Variants in SYNE1 observed in about 807,000 individuals in gnomAD.
SYNE1 encodes spectrin repeat containing nuclear envelope protein 1.
A neutral mutation model predicts 1,111.0 loss-of-function variants in SYNE1; 616 were observed. The ratio of observed to expected loss-of-function variants is 0.55; its 90% confidence interval spans 0.52 to 0.59. SYNE1 has a LOEUF of 0.59. Among genes scored for constraint, SYNE1 ranks in the 20% least tolerant of loss-of-function variants. The pLI, the probability that SYNE1 is intolerant of heterozygous loss-of-function variation, is 0.00. For missense variants in SYNE1, 10,006 were observed against 10,417.0 expected, an observed-to-expected ratio of 0.96 and a Z score of 1.72; for synonymous variants, 3,855 against 3,825.8, an observed-to-expected ratio of 1.01 and a Z score of -0.28.
chr6:152,500,061 C>T (rs1178075886), intron 10 of SYNE1, among the ~76,000 whole-genome samples: 2 of 152,138 alleles, frequency 1.3e-5, no homozygotes, highest in East Asian at 1.9e-4. Flanking sequence ...GTTTACTAAT[C>T]TGGAGAGATG....
chr6:152,517,003 G>A (rs2099115614), intron 6 of SYNE1, among the ~76,000 whole-genome samples: 1 of 152,202 alleles, frequency 6.6e-6, no homozygotes, highest in Admixed American at 6.5e-5. Flanking sequence ...AGTGTGATCT[G>A]GAAACACTGC....
chr6:152,377,343 C>T (rs1011951546), intron 56 of SYNE1, among the ~76,000 whole-genome samples: 1 of 151,770 alleles, frequency 6.6e-6, no homozygotes, highest in African/African-American at 2.4e-5. Flanking sequence ...GGTGTGGTGG[C>T]TCACGCCTGT....
At chr6:152,312,028 C>T (rs1377280072) in intron 87 of SYNE1, among the ~76,000 whole-genome samples, 1 of 152,188 alleles carries the variant, frequency 6.6e-6, no homozygotes, top group East Asian at 1.9e-4. Context: ...TCGTGATCCG[C>T]AGGCCTTGGC....
chr6:152,157,710 C>T (rs1222926682), intron 131 of SYNE1, among the ~76,000 whole-genome samples: 2 of 151,778 alleles, frequency 1.3e-5, no homozygotes, highest in African/African-American at 4.8e-5. Flanking sequence ...TTTAAGGGAC[C>T]TAGGTTCTAT....
chr6:152,370,652 G>A (rs2097164226), intron 59 of SYNE1, among the ~76,000 whole-genome samples: 1 of 152,152 alleles, frequency 6.6e-6, no homozygotes. Flanking sequence ...AGTGGTAGGT[G>A]GACGTGAATG....
intron 12 of SYNE1, among the ~76,000 whole-genome samples, 171 bp from the exon 13 acceptor site, chr6:152,485,143 T>A (rs1226222941): frequency 1.3e-5 from 2 of 152,236 alleles, no homozygotes; most frequent in African/African-American, 4.8e-5. Context: ...CATCAAGCCC[T>A]GACATAGCTT....
intron 34 of SYNE1, 139 bp downstream of exon 34, chr6:152,433,656 T>A: frequency 3.9e-6 from 4 of 1,025,054 alleles, no homozygotes. Flanking sequence ...CTTAGCTTGA[T>A]AAAATGTATG....
chr6:152,122,791 G>A, intron 145 of SYNE1, 115 bp from the exon 146 acceptor site: 1 of 1,530,098 alleles, frequency 6.5e-7, no homozygotes, highest in Non-Finnish European at 8.9e-7. Context: ...ACCCCAGCCT[G>A]GCGATCAGCT....
At chr6:152,589,962 T>C (rs558539567) in intron 3 of SYNE1, among the ~76,000 whole-genome samples, 153 of 148,880 alleles carry the variant, frequency 1.0e-3, no homozygotes, top group African/African-American at 3.7e-3. Flanking sequence ...AGACAGGGTC[T>C]CATTCTATCA....
At chr6:152,606,603 C>T (rs1275357973) in intron 3 of SYNE1, among the ~76,000 whole-genome samples, 1 of 152,124 alleles carries the variant, frequency 6.6e-6, no homozygotes, top group Non-Finnish European at 1.5e-5. Flanking sequence ...AATCATATGG[C>T]AAAGTTTTCA....
intron 97 of SYNE1, among the ~76,000 whole-genome samples, chr6:152,279,285 A>AT (rs201841576): frequency 4.1e-4 from 62 of 151,268 alleles, no homozygotes; most frequent in African/African-American, 1.4e-3. Context: ...AACAAAAAAA[A>AT]GTTTTACTTT....
intron 4 of SYNE1, among the ~76,000 whole-genome samples, chr6:152,534,803 A>G (rs899800321): frequency 3.3e-5 from 5 of 152,234 alleles, no homozygotes; most frequent in African/African-American, 1.2e-4. Context: ...ACTAAAGAAG[A>G]TGAAAGCCAC....
chr6:152,220,184 C>T (rs976585545), intron 119 of SYNE1, among the ~76,000 whole-genome samples: 2 of 152,158 alleles, frequency 1.3e-5, no homozygotes, highest in Non-Finnish European at 2.9e-5. Flanking sequence ...GTTTTTATAG[C>T]TTGCCTAATT....
chr6:152,422,068 C>T (rs545293604), intron 39 of SYNE1, among the ~76,000 whole-genome samples: 61 of 152,258 alleles, frequency 4.0e-4, no homozygotes, highest in African/African-American at 1.4e-3. Flanking sequence ...GGAGAAATAA[C>T]AGAAACTTGT....
chr6:152,501,877 G>A (rs1409809782), intron 10 of SYNE1, among the ~76,000 whole-genome samples: 3 of 152,104 alleles, frequency 2.0e-5, no homozygotes. Context: ...TTGACCTGCA[G>A]AATTCTTTAT....
chr6:152,346,261 C>T (rs1020362309), intron 73 of SYNE1, among the ~76,000 whole-genome samples: 1 of 151,976 alleles, frequency 6.6e-6, no homozygotes, highest in Non-Finnish European at 1.5e-5. Flanking sequence ...CTGCCTCCCA[C>T]GTTCAAGCGA....
In SYNE1 at chr6:152,354,679, T is replaced by C; in HGVS notation, c.10906A>G (p.Ile3636Val). ...TGTACCTTCATCTGATGTAATTGTATCTCCTTGGTTGCCCTGTTAGACTGA... is the reference window on the plus strand; with the variant it reads ...TGTACCTTCATCTGATGTAATTGTACCTCCTTGGTTGCCCTGTTAGACTGA... ...RRQSNRATKE[I>V]QLHQMKKWHE... The change falls in exon 67 of 146, where the codon ATA becomes GTA. Residue 3636 changes from isoleucine to valine, a missense_variant. This residue lies in a region of SYNE1 where 4,955 missense variants were observed against 5,017.2 expected (regional missense o/e 0.99). Coordinates refer to ENST00000367255, the MANE Select transcript of SYNE1 (RefSeq NM_182961.4). The C allele has an allele frequency of 1.2e-6, 2 of 1,614,220 alleles. No homozygotes were observed. The highest frequency in any genetic ancestry group is 1.7e-6 in the Non-Finnish European group (2 of 1,180,034).
intron 126 of SYNE1, 77 bp from the exon 127 acceptor site, chr6:152,202,026 C>T: frequency 1.3e-6 from 2 of 1,533,472 alleles, no homozygotes; most frequent in Non-Finnish European, 1.8e-6. Context: ...AAGAAACACT[C>T]TTCTTCATTC....
rs867991459 is a variant in SYNE1, at chr6:152,636,265, C to G, written c.-224+373G>C. On this transcript the variant is annotated intron_variant, in intron 2 of 145. Coordinates refer to ENST00000367255, the MANE Select transcript of SYNE1 (RefSeq NM_182961.4). Reference sequence around the variant, plus strand: ...GGAGGCTCCTAGAATCTGTTCAACGCCCTACCTCTCCCATCTGATAGTAGC... The same window carrying G: ...GGAGGCTCCTAGAATCTGTTCAACGGCCTACCTCTCCCATCTGATAGTAGC... Among the ~76,000 whole-genome samples, 3 of 152,096 alleles carry G rather than the reference C, an allele frequency of 2.0e-5. No individual in the cohort carries two copies. In the South Asian group the frequency reaches 6.2e-4, roughly 32 times the overall value.
Sources: gnomAD v4.1 joint callset for allele counts (sites outside exome capture counted in the v4.1 genomes callset) on GRCh38, gnomAD v4.1.1 for gene constraint, gnomAD v4.1.1 regional missense constraint, MANE v1.5 for transcripts, NCBI Gene and HGNC (gene_info 2026-07-23, HGNC 2026-07-21) for gene names.